Variants in CEMIP observed in about 807,000 individuals in gnomAD.
The protein encoded by CEMIP is cell migration inducing hyaluronidase 1.
CEMIP carries 105 observed loss-of-function variants against 156.9 expected under a neutral mutation model. The ratio of observed to expected loss-of-function variants is 0.67; its 90% confidence interval spans 0.57 to 0.79. The LOEUF is 0.79. Ranked by LOEUF, CEMIP falls within the 30% of genes least tolerant of loss-of-function variation. The pLI is 0.00. For synonymous variants in CEMIP, 676 were observed against 668.4 expected, an observed-to-expected ratio of 1.01 and a Z score of -0.17; for missense variants, 1,457 against 1,769.4, an observed-to-expected ratio of 0.82 and a Z score of 3.17.
intron 4 of CEMIP, among the ~76,000 whole-genome samples, chr15:80,879,087 C>T (rs1898561052): frequency 6.6e-6 from 1 of 152,176 alleles, no homozygotes; most frequent in South Asian, 2.1e-4. Context: ...CGAGAAAACT[C>T]CTTATTGGTG....
intron 1 of CEMIP, among the ~76,000 whole-genome samples, chr15:80,800,554 T>C (rs12595233): frequency 0.97 from 147,564 of 152,320 alleles, 71,633 homozygotes; most frequent in East Asian, 1. Flanking sequence ...AAAACCTTGA[T>C]TTTCATGTCA....
chr15:80,795,098 A>G (rs1381479387), intron 1 of CEMIP, among the ~76,000 whole-genome samples: 1 of 151,896 alleles, frequency 6.6e-6, no homozygotes, highest in African/African-American at 2.4e-5. Flanking sequence ...GTGAGGAGCA[A>G]GGCAGGACTG....
chr15:80,862,404 C>T (rs1898008727), intron 1 of CEMIP, among the ~76,000 whole-genome samples: 1 of 152,190 alleles, frequency 6.6e-6, no homozygotes, highest in East Asian at 1.9e-4. Context: ...GCCATGCAGA[C>T]TCAAAGTCGG....
At chr15:80,920,431 T>A in intron 15 of CEMIP, 132 bp downstream of exon 15, 1 of 769,504 alleles carries the variant, frequency 1.3e-6, no homozygotes, top group South Asian at 1.8e-5. Flanking sequence ...TCACAGCCCT[T>A]AACCACCTAC....
In CEMIP at chr15:80,797,341, G is replaced by A. The variant is rs369482095; in HGVS notation, c.-176+17727G>A. On this transcript the variant is annotated intron_variant, in intron 1 of 29. Coordinates refer to ENST00000394685, the MANE Select transcript of CEMIP (RefSeq NM_001293298.2). ...CCACAGGGAGCACCTACAGTGTCCC[G>A]GTGCTTTGCCAGGCATGAGCAGTGC... Among the ~76,000 whole-genome samples the A allele has an allele frequency of 8.5e-5, 13 of 152,162 alleles. 1 individual carries two copies. The East Asian group carries it at 9.6e-4, about 11-fold the overall frequency.
chr15:80,821,549 A>G (rs1224051467), intron 1 of CEMIP, among the ~76,000 whole-genome samples: 1 of 152,192 alleles, frequency 6.6e-6, no homozygotes, highest in Non-Finnish European at 1.5e-5. Flanking sequence ...CGAAAATAGA[A>G]GAGCATATTC....
intron 1 of CEMIP, among the ~76,000 whole-genome samples, chr15:80,832,956 G>A (rs4277309): frequency 0.32 from 47,922 of 151,886 alleles, 8,251 homozygotes; most frequent in African/African-American, 0.46. Context: ...TGGCCTTTCC[G>A]TGTGGCTTTC....
chr15:80,847,384 T>C (rs1447599338), intron 1 of CEMIP, among the ~76,000 whole-genome samples: 1 of 152,174 alleles, frequency 6.6e-6, no homozygotes, highest in Non-Finnish European at 1.5e-5. Flanking sequence ...AGGAGTGAAC[T>C]TAGGGCTTTA....
At chr15:80,787,799 C>G (rs1038038871) in intron 1 of CEMIP, among the ~76,000 whole-genome samples, 4 of 152,230 alleles carry the variant, frequency 2.6e-5, no homozygotes, top group Non-Finnish European at 5.9e-5. Flanking sequence ...TGCCTGGGCT[C>G]TCACCATGTG....
chr15:80,784,135 C>A (rs1895867110), intron 1 of CEMIP, among the ~76,000 whole-genome samples: 1 of 152,216 alleles, frequency 6.6e-6, no homozygotes, highest in Admixed American at 6.5e-5. Context: ...TCTGGAAGGG[C>A]AGTCATATCA....
At chr15:80,857,918 G>A (rs1897892205) in intron 1 of CEMIP, among the ~76,000 whole-genome samples, 1 of 152,170 alleles carries the variant, frequency 6.6e-6, no homozygotes, top group Non-Finnish European at 1.5e-5. Flanking sequence ...CTGAGGGTGA[G>A]TGGAGTAGGG....
intron 3 of CEMIP, among the ~76,000 whole-genome samples, chr15:80,876,836 G>C (rs1898494971): frequency 6.6e-6 from 1 of 152,208 alleles, no homozygotes. Context: ...GGAGATAGCT[G>C]AACAAAAATC....
intron 12 of CEMIP, chr15:80,903,055 C>T (rs549345530): frequency 1.3e-5 from 2 of 152,184 alleles, no homozygotes; most frequent in Non-Finnish European, 2.9e-5. Flanking sequence ...ACCCTCACAG[C>T]CTGGCTCCAG....
intron 12 of CEMIP, among the ~76,000 whole-genome samples, chr15:80,900,080 C>T (rs184963085): frequency 9.7e-4 from 147 of 152,296 alleles, no homozygotes; most frequent in Admixed American, 1.4e-3. Flanking sequence ...AGACCAGTCC[C>T]CATCTGCACC....
At chr15:80,857,257 C>G (rs35712296) in intron 1 of CEMIP, among the ~76,000 whole-genome samples, 6,121 of 152,300 alleles carry the variant, frequency 0.04, 220 homozygotes, top group Non-Finnish European at 0.053. Context: ...GCTGCCAGGC[C>G]CTGCCTCATG....
At chr15:80,902,296 C>A (rs952112492) in intron 12 of CEMIP, among the ~76,000 whole-genome samples, 1 of 152,208 alleles carries the variant, frequency 6.6e-6, no homozygotes. Context: ...CAGGCCTCCT[C>A]CCCGCTCACC....
In CEMIP at chr15:80,858,142, A is replaced by T. The variant is rs370944513; in HGVS notation, c.-175-15396A>T. Among the ~76,000 whole-genome samples, 3 of 152,146 alleles carry T rather than the reference A, an allele frequency of 2.0e-5. No individual in the cohort carries two copies. In the East Asian group the frequency reaches 5.8e-4, roughly 29 times the overall value. On this transcript the variant is annotated intron_variant, in intron 1 of 29. Coordinates refer to ENST00000394685, the MANE Select transcript of CEMIP (RefSeq NM_001293298.2). ...AGCCCTTGGAGGATTTTAAGCAAAA[A>T]TGTGCCACGATTCATGCTGGTGGGT... is the stretch of plus-strand genomic sequence containing the variant.
chr15:80,926,955 C>T (rs181032494), intron 19 of CEMIP, among the ~76,000 whole-genome samples: 1 of 151,890 alleles, frequency 6.6e-6, no homozygotes, highest in Admixed American at 6.6e-5. Context: ...CTCAGCCTCC[C>T]GAGTAGCTGG....
intron 1 of CEMIP, among the ~76,000 whole-genome samples, chr15:80,816,518 C>T (rs1187010987): frequency 6.6e-6 from 1 of 152,168 alleles, no homozygotes; most frequent in Non-Finnish European, 1.5e-5. Context: ...ACAAATAAGC[C>T]ACACCTCCTG....
Sources: gnomAD v4.1 joint callset for allele counts (sites outside exome capture counted in the v4.1 genomes callset) on GRCh38, gnomAD v4.1.1 for gene constraint, MANE v1.5 for transcripts, NCBI Gene and HGNC (gene_info 2026-07-23, HGNC 2026-07-21) for gene names.